Variants in LRMDA observed in about 807,000 individuals in gnomAD.
LRMDA encodes the protein leucine-rich melanocyte differentiation-associated protein.
Under a neutral mutation model 29.8 loss-of-function variants are expected in LRMDA, and 18 were observed. The ratio of observed to expected loss-of-function variants is 0.60; its 90% CI spans 0.42 to 0.90. The LOEUF is 0.90. Among genes scored for constraint, LRMDA ranks in the 40% least tolerant of loss-of-function variants. The pLI, the probability that LRMDA is intolerant of heterozygous loss-of-function variation, is 0.00. For missense variants in LRMDA, 273 were observed against 273.9 expected, an observed-to-expected ratio of 1.00 and a Z score of 0.02; for synonymous variants, 125 against 109.4, an observed-to-expected ratio of 1.14 and a Z score of -0.89.
intron 6 of LRMDA, among the ~76,000 whole-genome samples, chr10:76,428,366 A>T (rs981431692): frequency 6.6e-6 from 1 of 152,158 alleles, no homozygotes; most frequent in African/African-American, 2.4e-5. Flanking sequence ...TTCATCCTTG[A>T]TGCTGGCTCA....
chr10:75,615,377 C>T (rs1434595764), intron 2 of LRMDA, among the ~76,000 whole-genome samples: 1 of 152,102 alleles, frequency 6.6e-6, no homozygotes, highest in Non-Finnish European at 1.5e-5. Context: ...ATTATACTTA[C>T]CAGTTGAGCA....
intron 6 of LRMDA, among the ~76,000 whole-genome samples, chr10:76,348,406 A>G (rs1431490997): frequency 6.6e-6 from 1 of 152,350 alleles, no homozygotes; most frequent in African/African-American, 2.4e-5. Flanking sequence ...CTAGGGAACA[A>G]CCATAAAGTA....
intron 2 of LRMDA, among the ~76,000 whole-genome samples, chr10:76,021,914 A>G (rs1036115059): frequency 3.3e-5 from 5 of 152,240 alleles, no homozygotes; most frequent in African/African-American, 4.8e-5. Context: ...TGCGCTTTGC[A>G]TACGCTTTTT....
intron 2 of LRMDA, among the ~76,000 whole-genome samples, chr10:75,678,296 T>C (rs1360672799): frequency 6.6e-6 from 1 of 152,184 alleles, no homozygotes; most frequent in African/African-American, 2.4e-5. Flanking sequence ...CCTACTTATA[T>C]AGTATATTGT....
chr10:75,856,014 G>A (rs529477982), intron 2 of LRMDA, among the ~76,000 whole-genome samples: 4 of 152,274 alleles, frequency 2.6e-5, no homozygotes, highest in Admixed American at 2.0e-4. Flanking sequence ...CTCCAGCTTT[G>A]TTCTTTTGGC....
In LRMDA at chr10:76,558,381, G is replaced by C. The variant is rs1368790202; in HGVS notation, c.*1093G>C. On this transcript the variant is annotated 3_prime_UTR_variant, in exon 7 of 7. Coordinates refer to ENST00000611255, the MANE Select transcript of LRMDA (RefSeq NM_001305581.2). ...TGACCTCTCAGAAATCAAATCCACA[G>C]GTTGTGAGACAGTGCTCTGTCTTCC... The C allele has an allele frequency of 1.3e-5, 2 of 152,206 alleles. No homozygotes were observed. The highest frequency in any genetic ancestry group is 2.4e-5 in the African/African-American group (1 of 41,440). 9.4% of individuals were successfully genotyped at this position (152,206 alleles called of 1,614,324 possible).
intron 2 of LRMDA, among the ~76,000 whole-genome samples, chr10:75,657,130 T>G (rs888952202): frequency 6.6e-6 from 1 of 152,204 alleles, no homozygotes; most frequent in Non-Finnish European, 1.5e-5. Flanking sequence ...ATTTACATAC[T>G]CAGTCTATGA....
intron 2 of LRMDA, among the ~76,000 whole-genome samples, chr10:75,879,129 T>A (rs1354537437): frequency 6.6e-6 from 1 of 152,110 alleles, no homozygotes; most frequent in African/African-American, 2.4e-5. Flanking sequence ...CATCACAATA[T>A]CCTAATGCAG....
At chr10:76,082,972 G>A (rs1173512065) in intron 5 of LRMDA, among the ~76,000 whole-genome samples, 1 of 152,204 alleles carries the variant, frequency 6.6e-6, no homozygotes, top group Non-Finnish European at 1.5e-5. Flanking sequence ...GTAGAATGTG[G>A]TAGATGCCTT....
At chr10:76,539,731 T>C (rs1843332049) in intron 6 of LRMDA, among the ~76,000 whole-genome samples, 1 of 152,122 alleles carries the variant, frequency 6.6e-6, no homozygotes, top group Non-Finnish European at 1.5e-5. Flanking sequence ...AGAGCATTGT[T>C]TAAATTTAAA....
intron 2 of LRMDA, among the ~76,000 whole-genome samples, chr10:75,937,379 C>A (rs1846313920): frequency 6.6e-6 from 1 of 152,182 alleles, no homozygotes; most frequent in Admixed American, 6.5e-5. Context: ...GCTGTTGTAT[C>A]ACAATTCCTC....
intron 2 of LRMDA, among the ~76,000 whole-genome samples, chr10:75,443,044 T>G (rs1844347411): frequency 6.6e-6 from 1 of 152,182 alleles, no homozygotes; most frequent in South Asian, 2.1e-4. Context: ...CAGCTGATTT[T>G]TGTGTGTTGA....
intron 2 of LRMDA, among the ~76,000 whole-genome samples, chr10:75,659,607 G>C (rs1157474243): frequency 6.6e-6 from 1 of 152,180 alleles, no homozygotes; most frequent in Non-Finnish European, 1.5e-5. Context: ...CCCAGAAGCA[G>C]GGAATAGAAA....
At chr10:75,771,762 G>T (rs982002286) in intron 2 of LRMDA, among the ~76,000 whole-genome samples, 4 of 152,262 alleles carry the variant, frequency 2.6e-5, no homozygotes, top group East Asian at 1.9e-4. Flanking sequence ...GTGGCAGTCA[G>T]ACAGAGGTGG....
intron 5 of LRMDA, among the ~76,000 whole-genome samples, chr10:76,123,441 C>T (rs575949555): frequency 1.1e-3 from 167 of 152,076 alleles, no homozygotes; most frequent in African/African-American, 3.8e-3. Flanking sequence ...CCTGGGAGGT[C>T]GAGGCTGCAG....
intron 6 of LRMDA, among the ~76,000 whole-genome samples, chr10:76,373,181 T>C (rs1293217694): frequency 6.6e-6 from 1 of 152,176 alleles, no homozygotes; most frequent in African/African-American, 2.4e-5. Context: ...CTGGTGATGC[T>C]TCCATTGGGT....
At chr10:75,545,122 G>A (rs866825369) in intron 2 of LRMDA, among the ~76,000 whole-genome samples, 46 of 152,100 alleles carry the variant, frequency 3.0e-4, no homozygotes, top group African/African-American at 1.1e-3. Context: ...GGTTGCTGCT[G>A]GTATGTAGTC....
At position 75,669,766 on chromosome 10, in the gene LRMDA, AT is replaced by A. The variant is rs535758482; in HGVS notation, c.131+231277del. Among the ~76,000 whole-genome samples the A allele has an allele frequency of 1.7e-3, 261 of 152,336 alleles. 1 individual carries two copies. The highest frequency in any genetic ancestry group is 3.6e-3 in the Admixed American group (55 of 15,302). ...CAGTACTTTTTGGTGACACTATATC[AT>A]TTTTAATGTTGGTAACTTGATTTTT... On this transcript the variant is annotated intron_variant, in intron 2 of 6. Coordinates refer to ENST00000611255, the MANE Select transcript of LRMDA (RefSeq NM_001305581.2).
chr10:75,438,341 G>A, intron 1 of LRMDA, 53 bp from the exon 2 acceptor site: 1 of 1,368,168 alleles, frequency 7.3e-7, no homozygotes, highest in Non-Finnish European at 1.0e-6. Context: ...AGGGTTGGGA[G>A]CAGCTGGGTG....
Sources: allele counts gnomAD v4.1 joint callset (sites outside exome capture counted in the v4.1 genomes callset), GRCh38; gene constraint gnomAD v4.1.1; transcripts MANE v1.5; gene names NCBI Gene and HGNC (gene_info 2026-07-23, HGNC 2026-07-21).